TBKBP1: variants seen among roughly 807,000 people sequenced by gnomAD.
TBKBP1 encodes TANK-binding kinase 1-binding protein 1.
A neutral mutation model predicts 69.9 loss-of-function variants in TBKBP1; 47 were observed. That is an observed-to-expected ratio of 0.67 (90% confidence interval 0.53 to 0.86). The LOEUF is 0.86. TBKBP1 is among the 40% of genes least tolerant of loss of function. The pLI, the probability that TBKBP1 is intolerant of heterozygous loss-of-function variation, is 0.00. For synonymous variants in TBKBP1, 418 were observed against 390.3 expected (o/e 1.07, Z -0.84); for missense variants, 831 against 858.6 (o/e 0.97, Z 0.40).
chr17:47,699,302 T>G lies in TBKBP1; in HGVS notation c.635-18T>G. On this transcript the variant is annotated intron_variant, in intron 5 of 9. Transcript: ENST00000578982. ...GGAGGCAGCTGAGCTCGCCTGACGT[T>G]GTCCTGTCCACCGACAGCAGGCTGG... is the stretch of plus-strand genomic sequence containing the variant. 6.6e-7 allele frequency: 1 copy of G among 1,508,396 alleles called. No individual in the cohort carries two copies. Among genetic ancestry groups the G allele is most frequent in the Non-Finnish European group, 8.8e-7 (1 of 1,134,132 alleles). The allele number at this position is 1,508,396 out of a possible 1,614,324, so 93.4% of individuals were successfully genotyped here. A position where few individuals can be genotyped will look rare whatever the true frequency, so the allele number is the denominator to read the frequency against.
intron 7 of TBKBP1, among the ~76,000 whole-genome samples, chr17:47,706,426 C>T (rs1043008976): frequency 1.3e-5 from 2 of 152,292 alleles, no homozygotes; most frequent in Admixed American, 6.5e-5. Context: ...TTTCTTCCCA[C>T]AGACCCATGA....
chr17:47,700,711 C>T (rs890110675), intron 7 of TBKBP1, among the ~76,000 whole-genome samples: 15 of 152,124 alleles, frequency 9.9e-5, no homozygotes, highest in Non-Finnish European at 1.3e-4. Flanking sequence ...TTCACACAGC[C>T]GTGGGGTGGG....
Position 47,699,391 on chromosome 17 carries a change from G to C in TBKBP1, c.706G>C (p.Ala236Pro). ...RRRLEEALEA[A>P]QGEARGAQLR... ...GCGGCTAGAAGAGGCTTTGGAGGCC[G>C]CGCAGGGAGAGGCCCGGGGGGCTCA... Residue 236 changes from alanine (A) to proline (P), a missense_variant, in exon 6 of 10, where the codon GCG becomes CCG. Transcript: ENST00000578982. 1 of 1,566,482 alleles carries C rather than the reference G, an allele frequency of 6.4e-7. No individual in the cohort carries two copies. Among genetic ancestry groups the C allele is most frequent in the Non-Finnish European group, 8.6e-7 (1 of 1,161,036 alleles).
rs1180588341 is a variant in TBKBP1 at position 47,710,825 on chromosome 17, C to A, written c.*199C>A. 2 of 681,300 alleles carry A rather than the reference C, an allele frequency of 2.9e-6. No individual in the cohort carries two copies. The highest frequency in any genetic ancestry group is 4.5e-6 in the Non-Finnish European group (2 of 442,614). The allele number at this position is 681,300 out of a possible 1,614,324, so 42.2% of individuals were successfully genotyped here. A position where few individuals can be genotyped will look rare whatever the true frequency, so the allele number is the denominator to read the frequency against. On this transcript the variant is annotated 3_prime_UTR_variant, in exon 10 of 10. Coordinates refer to ENST00000578982, the MANE Select transcript of TBKBP1 (RefSeq NM_001394755.1). ...CTCTGGCTCTTCCTGGGAGGTCAGC[C>A]GAGGCTCCCCCCATGCTCCTGGTTT...
rs746299738 is a variant in TBKBP1, at chr17:47,708,405, C to T, written c.884C>T (p.Ala295Val). Residue 295 changes from alanine to valine, a missense_variant, in exon 8 of 10, where the codon GCG (alanine) becomes GTG (valine). Ala to Val is a moderately conservative substitution (Grantham distance 64). Transcript: ENST00000578982. This position sits in a 1 kb window ranked among gnomAD's most constrained non-coding sequence, Gnocchi z 4.4. ...CCCTCTGACTTCAGGGTGAATTTGG[C>T]GCTGGCCTACACCGAGCTGACGGAG... ...KRVGDDQVNL[A>V]LAYTELTEEL... The T allele has an allele frequency of 6.8e-6, 11 of 1,613,862 alleles. No homozygotes were observed. Among genetic ancestry groups the T allele is most frequent in the South Asian group, 1.1e-5 (1 of 91,090 alleles).
intron 4 of TBKBP1, among the ~76,000 whole-genome samples, chr17:47,698,322 G>A (rs1203836479): frequency 6.6e-6 from 1 of 152,184 alleles, no homozygotes; most frequent in African/African-American, 2.4e-5. Flanking sequence ...ATGCTCCTGA[G>A]GGGGGCTGGC....
chr17:47,707,909 G>C (rs778781376), intron 7 of TBKBP1, among the ~76,000 whole-genome samples: 9 of 152,208 alleles, frequency 5.9e-5, no homozygotes, highest in Non-Finnish European at 1.3e-4. Flanking sequence ...CCCACTCCCA[G>C]TACACAGATT....
Position 47,710,574 on chromosome 17 carries a change from A to T in TBKBP1, c.1796A>T (p.Asp599Val), listed in dbSNP as rs751195962. The T allele has an allele frequency of 1.9e-6, 3 of 1,612,376 alleles. No homozygotes were observed. The highest frequency in any genetic ancestry group is 1.7e-6 in the Non-Finnish European group (2 of 1,178,966). Residue 599 changes from aspartate to valine, a missense_variant, in exon 10 of 10, where the codon GAT becomes GTT. By Grantham distance (152) the Asp-to-Val change is radical. Transcript: ENST00000578982. ...CTGGGTTTCCCTGTCGGGTACCCGG[A>T]TGATGCCCTCATCAAACACATTGAC... is the stretch of plus-strand genomic sequence containing the variant. ...CQLGFPVGYP[D>V]DALIKHIDSH...
chr17:47,707,032 G>C (rs1292550938), intron 7 of TBKBP1, among the ~76,000 whole-genome samples: 2 of 152,220 alleles, frequency 1.3e-5, no homozygotes, highest in East Asian at 3.9e-4. Flanking sequence ...GACCTCCCCT[G>C]GGAAGAGATC....
intron 7 of TBKBP1, among the ~76,000 whole-genome samples, chr17:47,705,755 T>C (rs1416293658): frequency 3.3e-5 from 5 of 152,214 alleles, no homozygotes; most frequent in Non-Finnish European, 7.3e-5. Flanking sequence ...CCTGTGCATC[T>C]TGAGATGGAG....
chr17:47,700,911 C>A (rs935765170), intron 7 of TBKBP1, among the ~76,000 whole-genome samples: 1 of 152,138 alleles, frequency 6.6e-6, no homozygotes, highest in African/African-American at 2.4e-5. Flanking sequence ...CCGCACTGAA[C>A]TCACCCTCTC....
intron 1 of TBKBP1, chr17:47,695,385 A>C (rs2031181908): frequency 1.3e-5 from 2 of 152,264 alleles, no homozygotes; most frequent in African/African-American, 2.4e-5. Context: ...AGCCTTGGGA[A>C]TTCGTTCGCG....
chr17:47,704,928 G>A (rs1258987126), intron 7 of TBKBP1, among the ~76,000 whole-genome samples: 4 of 152,204 alleles, frequency 2.6e-5, no homozygotes, highest in Admixed American at 6.5e-5. Context: ...TGGCTCCTCC[G>A]AAGTTGCCAG....
chr17:47,697,949 CAAAAAAAAAAAA>C (rs1170697190), intron 4 of TBKBP1, among the ~76,000 whole-genome samples: 4 of 36,954 alleles, frequency 1.1e-4, no homozygotes, highest in African/African-American at 2.1e-4. Flanking sequence ...ACCCTGTCTC[CAAAAAAAAAAAA>C]AAAAAAAAAA....
At chr17:47,707,469 A>T in intron 7 of TBKBP1, among the ~76,000 whole-genome samples, 1 of 152,254 alleles carries the variant, frequency 6.6e-6, no homozygotes, top group East Asian at 1.9e-4. Flanking sequence ...CAAATGCATT[A>T]TCCACTTACT....
rs905127903 is a variant in TBKBP1, at chr17:47,710,684, CACTT to C, written c.*59_*62del. 4.2e-5 allele frequency: 65 copies of C among 1,563,690 alleles called. No individual in the cohort carries two copies. The African/African-American group carries it at 8.2e-4, about 20-fold the overall frequency. On this transcript the variant is annotated 3_prime_UTR_variant, in exon 10 of 10. Coordinates refer to ENST00000578982, the MANE Select transcript of TBKBP1 (RefSeq NM_001394755.1). The stretch of plus-strand genomic sequence containing the variant: ...TCCTCTCCTATCACCCCCAAACACT[CACTT>C]TGAATGCTGCATGAATCTCGTGGGG...
At chr17:47,707,835 T>C (rs1192108772) in intron 7 of TBKBP1, among the ~76,000 whole-genome samples, 1 of 152,206 alleles carries the variant, frequency 6.6e-6, no homozygotes, top group Non-Finnish European at 1.5e-5. Context: ...TCTTCACTTA[T>C]GGAACGAGCT....
intron 7 of TBKBP1, among the ~76,000 whole-genome samples, chr17:47,707,863 C>T (rs544631505): frequency 1.3e-5 from 2 of 152,218 alleles, no homozygotes; most frequent in Non-Finnish European, 2.9e-5. Flanking sequence ...GCAGCAGGGT[C>T]CCCAACCTTT....
intron 1 of TBKBP1, chr17:47,694,517 GC>G (rs2031125882): frequency 6.6e-6 from 1 of 152,124 alleles, no homozygotes. Context: ...TGTCGGCCGA[GC>G]GAAAGGGGTT....
Sources: gnomAD v4.1 joint callset for allele counts (sites outside exome capture counted in the v4.1 genomes callset) on GRCh38, gnomAD v4.1.1 for gene constraint, Gnocchi (gnomAD v3.1) non-coding constraint, MANE v1.5 for transcripts, NCBI Gene and HGNC (gene_info 2026-07-23, HGNC 2026-07-21) for gene names.